The following SNX19 variants were observed in gnomAD, a reference collection of about 807,000 sequenced individuals.
SNX19 encodes sorting nexin-19.
SNX19 carries 60 observed loss-of-function variants against 85.2 expected under a neutral mutation model. That is an observed-to-expected ratio of 0.70 (90% CI 0.57 to 0.87). The LOEUF is 0.87. SNX19 is among the 40% of genes least tolerant of loss of function. SNX19 has a pLI of 0.00. For missense variants in SNX19, 1,201 were observed against 1,217.8 expected (o/e 0.99, Z 0.21); for synonymous variants, 520 against 470.0 (o/e 1.11, Z -1.38).
intron 8 of SNX19, among the ~76,000 whole-genome samples, chr11:130,892,203 T>C (rs1944548166): frequency 6.7e-6 from 1 of 150,114 alleles, no homozygotes; most frequent in African/African-American, 2.5e-5. Flanking sequence ...AAGTCAACCT[T>C]TTTTTGGCCC....
At chr11:130,901,686 T>C (rs1945267374) in intron 8 of SNX19, 1 of 152,168 alleles carries the variant, frequency 6.6e-6, no homozygotes, top group Non-Finnish European at 1.5e-5. Context: ...TAAATGCATA[T>C]TTTAAACAGA....
intron 8 of SNX19, among the ~76,000 whole-genome samples, chr11:130,883,294 A>G (rs563770747): frequency 6.6e-6 from 1 of 152,322 alleles, no homozygotes; most frequent in African/African-American, 2.4e-5. Flanking sequence ...TGTGGAAGCT[A>G]ATAAGCACAA....
At chr11:130,899,923 A>G (rs911213747) in intron 8 of SNX19, among the ~76,000 whole-genome samples, 4 of 152,210 alleles carry the variant, frequency 2.6e-5, no homozygotes, top group African/African-American at 7.2e-5. Flanking sequence ...CCAAAAAACA[A>G]AAAGTCAGAA....
intron 7 of SNX19, among the ~76,000 whole-genome samples, chr11:130,904,124 AC>A (rs1447532269): frequency 2.6e-5 from 4 of 152,162 alleles, no homozygotes; most frequent in African/African-American, 9.7e-5. Flanking sequence ...ATGAGCTTAT[AC>A]CCATGCTAAA....
intron 8 of SNX19, among the ~76,000 whole-genome samples, chr11:130,881,739 C>T (rs761346867): frequency 2.6e-5 from 4 of 152,232 alleles, no homozygotes; most frequent in Non-Finnish European, 5.9e-5. Context: ...CTGTTTCAAC[C>T]CTACTTCCTC....
chr11:130,914,994 A>G lies in SNX19; in HGVS notation c.946T>C (p.Tyr316His). The G allele has an allele frequency of 1.2e-6, 2 of 1,614,082 alleles. No homozygotes were observed. The highest frequency in any genetic ancestry group is 1.7e-6 in the Non-Finnish European group (2 of 1,180,004). Residue 316 changes from tyrosine to histidine, a missense_variant, in exon 1 of 11, where the codon TAC (tyrosine) becomes CAC (histidine). By Grantham distance (83) the Tyr-to-His change is moderately conservative. Around this residue, in one of 3 missense-constraint regions of SNX19, gnomAD observed 791 missense variants for 750.9 expected, o/e 1.05. Coordinates refer to ENST00000265909, the MANE Select transcript of SNX19 (RefSeq NM_014758.3). ...CCTGCAGAACCCTCTGGCTCACTGT[A>G]ACTTAGGAATACTGGGGCTGCTACT... ...SPVAAPVFLS[Y>H]SEPEGSAGPS...
rs1475046551 is a variant in SNX19 at position 130,906,080 on chromosome 11, T to C, written c.2316A>G (p.Thr772=). The change falls in exon 7 of 11, where the codon ACA becomes ACG. Residue 772 remains threonine (T), a synonymous_variant. Transcript: ENST00000265909. ...SAMESFIEKQ[T]KLLEMQPTKA... Reference sequence around the variant, plus strand: ...TTGTTGGCTGCATTTCCAGTAACTTTGTCTGTTTTTCAATAAAAGATTCCA... The same window carrying C: ...TTGTTGGCTGCATTTCCAGTAACTTCGTCTGTTTTTCAATAAAAGATTCCA... 1 of 1,614,212 alleles carries C rather than the reference T, an allele frequency of 6.2e-7. No homozygotes were observed. Among genetic ancestry groups the C allele is most frequent in the Admixed American group, 1.7e-5 (1 of 60,020 alleles).
In SNX19 at chr11:130,869,397, T is replaced by A. The variant is rs1391368829; in HGVS notation, c.*9025A>T. 6.6e-6 allele frequency: 1 copy of A among 152,258 alleles called. No homozygotes were observed. The highest frequency in any genetic ancestry group is 1.5e-5 in the Non-Finnish European group (1 of 68,052). 9.4% of individuals were successfully genotyped at this position (152,258 alleles called of 1,614,324 possible). ...GGTTTTTGCTTTTACATGTCATCTTTCCCATTTGAGCATTAATTACTCAGT... is the reference window on the plus strand; with the variant it reads ...GGTTTTTGCTTTTACATGTCATCTTACCCATTTGAGCATTAATTACTCAGT... On this transcript the variant is annotated 3_prime_UTR_variant, in exon 11 of 11. Transcript: ENST00000265909.
chr11:130,905,083 C>T (rs1004780395), intron 7 of SNX19, among the ~76,000 whole-genome samples: 1 of 152,176 alleles, frequency 6.6e-6, no homozygotes, highest in African/African-American at 2.4e-5. Context: ...CTTTTATTCT[C>T]AACAGAGGGC....
chr11:130,890,698 G>T (rs7938231), intron 8 of SNX19, among the ~76,000 whole-genome samples: 90,921 of 151,820 alleles, frequency 0.6, 27,632 homozygotes, highest in South Asian at 0.73. Context: ...CGCTGGCAAC[G>T]CCCCACATTC....
chr11:130,915,972 C>T lies in SNX19; in HGVS notation c.-33G>A, dbSNP rs1465329126. The T allele has an allele frequency of 9.5e-6, 15 of 1,579,882 alleles. No homozygotes were observed. Among genetic ancestry groups the T allele is most frequent in the Non-Finnish European group, 1.3e-5 (15 of 1,158,290 alleles). ...CGGACAAGGTGGCTTCCCCAGATGA[C>T]AGCCCTCAAGATTTTACTTCAGAGT... On this transcript the variant is annotated 5_prime_UTR_variant, in exon 1 of 11. Coordinates refer to ENST00000265909, the MANE Select transcript of SNX19 (RefSeq NM_014758.3).
In SNX19 at chr11:130,914,512, G is replaced by A; in HGVS notation, c.1428C>T (p.Cys476=). Residue 476 remains cysteine (C), a synonymous_variant, in exon 1 of 11, where the codon TGC becomes TGT. Coordinates refer to ENST00000265909, the MANE Select transcript of SNX19 (RefSeq NM_014758.3). ...TALLEGPEKT[C]PSRPSCLEKD... is the part of the protein sequence containing the mutation. ...TCTCTAAGCATGACGGCCGTGAGGGGCAGGTCTTTTCTGGCCCCTCCAGCA... is the reference window on the plus strand; with the variant it reads ...TCTCTAAGCATGACGGCCGTGAGGGACAGGTCTTTTCTGGCCCCTCCAGCA... The A allele has an allele frequency of 6.2e-7, 1 of 1,613,970 alleles. No individual in the cohort carries two copies. Among genetic ancestry groups the A allele is most frequent in the South Asian group, 1.1e-5 (1 of 91,076 alleles).
intron 8 of SNX19, among the ~76,000 whole-genome samples, chr11:130,883,161 C>T (rs556276840): frequency 1.1e-4 from 16 of 152,184 alleles, no homozygotes; most frequent in African/African-American, 3.6e-4. Flanking sequence ...AATTTATAAA[C>T]TTATACAAAT....
intron 7 of SNX19, chr11:130,905,675 A>G (rs1311447567): frequency 5.3e-6 from 8 of 1,509,456 alleles, no homozygotes; most frequent in South Asian, 2.4e-5. Flanking sequence ...CATGCCAAAA[A>G]TAAGTTTAAT....
intron 4 of SNX19, 107 bp downstream of exon 4, chr11:130,909,911 C>T: frequency 1.4e-6 from 2 of 1,465,244 alleles, no homozygotes; most frequent in Non-Finnish European, 1.9e-6. Context: ...TGTGCTGCCC[C>T]TTCCCACACC....
Position 130,872,892 on chromosome 11 carries a change from A to G in SNX19, c.*5530T>C, listed in dbSNP as rs528240144. 6.6e-6 allele frequency among the ~76,000 whole-genome samples: 1 copy of G among 152,082 alleles called. No individual in the cohort carries two copies. Among genetic ancestry groups the G allele is most frequent in the Non-Finnish European group, 1.5e-5 (1 of 68,014 alleles). ...ACATCTTGCTCCAGTGCAAAGTTAG[A>G]TTGGACAAACAGCCGGTGTGGAGGG... On this transcript the variant is annotated 3_prime_UTR_variant, in exon 11 of 11. Transcript: ENST00000265909.
chr11:130,894,114 C>T (rs1016048614), intron 8 of SNX19, among the ~76,000 whole-genome samples: 1 of 152,056 alleles, frequency 6.6e-6, no homozygotes, highest in African/African-American at 2.4e-5. Context: ...TCAGCACTGA[C>T]AATCTCCATC....
In SNX19 at chr11:130,872,955, G is replaced by A. The variant is rs1943086497; in HGVS notation, c.*5467C>T. 6.6e-6 allele frequency among the ~76,000 whole-genome samples: 1 copy of A among 152,154 alleles called. No homozygotes were observed. The highest frequency in any genetic ancestry group is 6.5e-5 in the Admixed American group (1 of 15,278). ...TACGGCTTGCCAGGACAACTTGGCT[G>A]AATGGGTTCCTGAAACAAGGCATCT... is the stretch of plus-strand genomic sequence containing the variant. On this transcript the variant is annotated 3_prime_UTR_variant, in exon 11 of 11. Coordinates refer to ENST00000265909, the MANE Select transcript of SNX19 (RefSeq NM_014758.3).
rs1207186375 is a variant in SNX19 at position 130,878,377 on chromosome 11, A to C, written c.*45T>G. The C allele has an allele frequency of 6.3e-7, 1 of 1,593,994 alleles. No individual in the cohort carries two copies. The highest frequency in any genetic ancestry group is 1.3e-5 in the African/African-American group (1 of 74,402). ...CTTCCTGACTGGTCTCTGGTGGCCG[A>C]GTAACTCTACTTCCCTGACCTGGGA... On this transcript the variant is annotated 3_prime_UTR_variant, in exon 11 of 11. Coordinates refer to ENST00000265909, the MANE Select transcript of SNX19 (RefSeq NM_014758.3).
Sources: allele counts gnomAD v4.1 joint callset (sites outside exome capture counted in the v4.1 genomes callset), GRCh38; gene constraint gnomAD v4.1.1; regional missense constraint gnomAD v4.1.1; transcripts MANE v1.5; gene names NCBI Gene and HGNC (gene_info 2026-07-23, HGNC 2026-07-21).